The following UNC80 variants were observed in gnomAD, a reference collection of about 807,000 sequenced individuals.
UNC80 encodes the protein unc-80 subunit of NALCN channel complex.
In UNC80, 164 loss-of-function variants were observed where a neutral mutation model predicts 384.6. The observed-to-expected ratio is 0.43, with a 90% confidence interval of 0.38 to 0.49. The LOEUF (loss-of-function observed/expected upper bound fraction) is 0.49. Among genes scored for constraint, UNC80 ranks in the 20% least tolerant of loss-of-function variants. The pLI is 0.00. For missense variants in UNC80, 3,330 were observed against 4,143.0 expected, an observed-to-expected ratio of 0.80 and a Z score of 5.39; for synonymous variants, 1,486 against 1,527.8, an observed-to-expected ratio of 0.97 and a Z score of 0.64.
At chr2:209,923,542 G>A (rs138755815) in intron 35 of UNC80, among the ~76,000 whole-genome samples, 2 of 152,160 alleles carry the variant, frequency 1.3e-5, no homozygotes, top group South Asian at 2.1e-4. Context: ...TATATTTATG[G>A]TTTTTCAGTT....
In UNC80 at chr2:209,839,170, G is replaced by T. The variant is rs1193075428; in HGVS notation, c.3042-52G>T. On this transcript the variant is annotated intron_variant, in intron 18 of 64. Transcript: ENST00000673920. The surrounding 1 kb of genome is among the most constrained non-coding windows in gnomAD (Gnocchi z 4.1). ...ACAGGAAGATGAAAGAAATTTAGGA[G>T]AATTTCTCAAGTGTTGTCAGAAGTT... 2 of 1,476,648 alleles carry T rather than the reference G, an allele frequency of 1.4e-6. No individual in the cohort carries two copies. The highest frequency in any genetic ancestry group is 9.2e-7 in the Non-Finnish European group (1 of 1,086,982). The allele number at this position is 1,476,648 out of a possible 1,614,324, so 91.5% of individuals were successfully genotyped here. A position where few individuals can be genotyped will look rare whatever the true frequency, so the allele number is the denominator to read the frequency against.
chr2:209,905,935 T>A (rs1182069525), intron 29 of UNC80, among the ~76,000 whole-genome samples: 1 of 152,246 alleles, frequency 6.6e-6, no homozygotes, highest in Non-Finnish European at 1.5e-5. Flanking sequence ...GATGCCTGAC[T>A]GAATGTTGTG....
chr2:209,816,637 A>G (rs564629503), intron 9 of UNC80, among the ~76,000 whole-genome samples: 2 of 152,328 alleles, frequency 1.3e-5, no homozygotes, highest in African/African-American at 2.4e-5. Flanking sequence ...AGTGATGCTG[A>G]TGCTGCTGGT....
intron 7 of UNC80, among the ~76,000 whole-genome samples, chr2:209,807,241 A>G (rs1182785702): frequency 1.3e-5 from 2 of 152,132 alleles, no homozygotes; most frequent in African/African-American, 4.8e-5. Context: ...GAAAAGTTGT[A>G]TTCATATTAT....
chr2:209,964,828 A>T (rs933556613), intron 51 of UNC80, among the ~76,000 whole-genome samples: 2 of 151,458 alleles, frequency 1.3e-5, no homozygotes, highest in Admixed American at 6.6e-5. Context: ...GGGGAAATCG[A>T]CATATTAAAA....
At chr2:209,821,311 C>T (rs986826266) in intron 13 of UNC80, among the ~76,000 whole-genome samples, 1 of 152,204 alleles carries the variant, frequency 6.6e-6, no homozygotes, top group African/African-American at 2.4e-5. Context: ...GCCCCACCAT[C>T]ATGACCTCAC....
intron 22 of UNC80, among the ~76,000 whole-genome samples, chr2:209,866,056 A>T (rs931101999): frequency 4.6e-5 from 7 of 152,016 alleles, no homozygotes; most frequent in African/African-American, 1.7e-4. Flanking sequence ...TTTTACTAAA[A>T]CGTTCTTAGC....
intron 29 of UNC80, among the ~76,000 whole-genome samples, chr2:209,910,649 CTTTTTTT>C (rs540625562): frequency 2.9e-5 from 3 of 104,360 alleles, no homozygotes; most frequent in African/African-American, 7.2e-5. Context: ...AAATGCTCAT[CTTTTTTT>C]TTTTTTTTTT....
rs140954042 is a variant in UNC80, at chr2:209,883,379, C to A, written c.4110+2285C>A. The stretch of plus-strand genomic sequence containing the variant: ...TTTTATGCCTTTCTATTAAGTAATT[C>A]CCCCATTTTGCCCTCCCACCAAGTC... On this transcript the variant is annotated intron_variant, in intron 25 of 64. Coordinates refer to ENST00000673920, the MANE Select transcript of UNC80 (RefSeq NM_001371986.1). 5.1e-3 allele frequency among the ~76,000 whole-genome samples: 779 copies of A among 151,472 alleles called. 10 individuals carry two copies. Among genetic ancestry groups the A allele is most frequent in the African/African-American group, 0.018 (729 of 41,290 alleles).
chr2:209,808,270 A>G (rs990706968), intron 7 of UNC80, among the ~76,000 whole-genome samples: 1 of 143,640 alleles, frequency 7.0e-6, no homozygotes, highest in East Asian at 2.0e-4. Context: ...AGGATTATTA[A>G]GAGTGTTCAA....
chr2:209,955,134 G>A (rs535067503), intron 48 of UNC80, among the ~76,000 whole-genome samples: 30 of 152,160 alleles, frequency 2.0e-4, no homozygotes, highest in African/African-American at 7.2e-4. Context: ...TGGGTTTAGT[G>A]TCTTTGCTCC....
rs574852206 is a variant in UNC80, at chr2:209,775,386, A to G, written c.142-503A>G. Reference sequence around the variant, plus strand: ...GGTAGAGAGTGTTCTGTGCCGGGTCATTGCTAAGCCATGAGATAAATCAGG... The same window carrying G: ...GGTAGAGAGTGTTCTGTGCCGGGTCGTTGCTAAGCCATGAGATAAATCAGG... On this transcript the variant is annotated intron_variant, in intron 2 of 64. Transcript: ENST00000673920. Among the ~76,000 whole-genome samples, 4 of 152,220 alleles carry G rather than the reference A, an allele frequency of 2.6e-5. No individual in the cohort carries two copies. In the East Asian group the frequency reaches 7.7e-4, roughly 29 times the overall value.
At chr2:209,984,181 C>T (rs1038105833) in intron 60 of UNC80, among the ~76,000 whole-genome samples, 1 of 152,234 alleles carries the variant, frequency 6.6e-6, no homozygotes, top group Non-Finnish European at 1.5e-5. Context: ...ATTATTCTCT[C>T]ACCAACCTGA....
chr2:209,923,901 T>C (rs965658126), intron 35 of UNC80, among the ~76,000 whole-genome samples: 1 of 152,170 alleles, frequency 6.6e-6, no homozygotes, highest in Non-Finnish European at 1.5e-5. Context: ...TCAGTTTACA[T>C]TTATTGCAGT....
chr2:209,893,359 T>C (rs2086525478), intron 26 of UNC80, among the ~76,000 whole-genome samples: 1 of 152,238 alleles, frequency 6.6e-6, no homozygotes, highest in African/African-American at 2.4e-5. Context: ...TGTATATGAC[T>C]ATGGAAAATA....
chr2:209,792,340 G>A (rs1246607390), intron 6 of UNC80, among the ~76,000 whole-genome samples: 6 of 152,070 alleles, frequency 3.9e-5, no homozygotes, highest in African/African-American at 1.4e-4. Context: ...ATACTTTTTT[G>A]TTTTGTTTTG....
intron 28 of UNC80, among the ~76,000 whole-genome samples, chr2:209,900,154 G>A (rs1559291786): frequency 2.0e-5 from 3 of 152,284 alleles, no homozygotes; most frequent in East Asian, 3.9e-4. Flanking sequence ...GTATATTTAT[G>A]TATCATGTCT....
At chr2:209,801,447 A>G (rs1454725319) in intron 7 of UNC80, among the ~76,000 whole-genome samples, 4 of 136,720 alleles carry the variant, frequency 2.9e-5, no homozygotes, top group African/African-American at 8.2e-5. Context: ...CAGTGGCACA[A>G]TCTCGGCTCA....
intron 24 of UNC80, 59 bp from the exon 25 acceptor site, chr2:209,880,902 T>C (rs1308832436): frequency 2.9e-5 from 44 of 1,499,970 alleles, no homozygotes; most frequent in Non-Finnish European, 3.7e-5. Context: ...CATCAAACTA[T>C]GCATTTCTGT....
Sources: allele counts gnomAD v4.1 joint callset (sites outside exome capture counted in the v4.1 genomes callset), GRCh38; gene constraint gnomAD v4.1.1; non-coding constraint Gnocchi (gnomAD v3.1); transcripts MANE v1.5; gene names NCBI Gene and HGNC (gene_info 2026-07-23, HGNC 2026-07-21).